The following DDB2 variants were observed in gnomAD, a reference collection of about 807,000 sequenced individuals.
DDB2 encodes DNA damage-binding protein 2.
DDB2 carries 27 observed loss-of-function variants against 50.5 expected under a neutral mutation model. That is an observed-to-expected ratio of 0.53 (90% CI 0.39 to 0.74). The LOEUF is 0.74. DDB2 is among the 30% of genes least tolerant of loss of function. DDB2 has a pLI of 0.00. For missense variants in DDB2, 424 were observed against 545.6 expected, an observed-to-expected ratio of 0.78 and a Z score of 2.22; for synonymous variants, 176 against 205.5, an observed-to-expected ratio of 0.86 and a Z score of 1.23.
At chr11:47,218,597 C>A (rs1162832289) in intron 3 of DDB2, among the ~76,000 whole-genome samples, 3 of 152,128 alleles carry the variant, frequency 2.0e-5, no homozygotes, top group African/African-American at 7.2e-5. Context: ...AGTTTATCAT[C>A]CATTGCTGAG....
At chr11:47,227,469 CT>C (rs768830995) in intron 3 of DDB2, among the ~76,000 whole-genome samples, 4 of 151,368 alleles carry the variant, frequency 2.6e-5, no homozygotes, top group Non-Finnish European at 5.9e-5. Context: ...CATAGATTGC[CT>C]TTTCACTTTG....
At chr11:47,228,977 A>AAATCTATCTATC (rs376107098) in intron 3 of DDB2, among the ~76,000 whole-genome samples, 1 of 124,660 alleles carries the variant, frequency 8.0e-6, no homozygotes, top group Non-Finnish European at 1.6e-5. Flanking sequence ...AAAAAAAGAA[A>AAATCTATCTATC]TATCTATCTA....
intron 7 of DDB2, among the ~76,000 whole-genome samples, chr11:47,236,392 C>T (rs1255294525): frequency 6.6e-6 from 1 of 152,146 alleles, no homozygotes; most frequent in African/African-American, 2.4e-5. Flanking sequence ...TTTGCCTAAG[C>T]CCCCATGCAG....
In DDB2 at chr11:47,235,347, T is replaced by C. The variant is rs1953711337; in HGVS notation, c.958T>C (p.Trp320Arg). 1.2e-6 allele frequency: 2 copies of C among 1,613,882 alleles called. No homozygotes were observed. The highest frequency in any genetic ancestry group is 3.3e-5 in the Admixed American group (2 of 60,014). Reference sequence around the variant, plus strand: ...GATCCGAGTTTACTCTGCTTCCCAGTGGGACTGCCCCCTGGGCCTGATCCC... The same window carrying C: ...GATCCGAGTTTACTCTGCTTCCCAGCGGGACTGCCCCCTGGGCCTGATCCC... ...SEIRVYSASQWDCPLGLIPHP... is the reference protein window; with the variant it reads ...SEIRVYSASQRDCPLGLIPHP... Residue 320 changes from tryptophan (W) to arginine (R), a missense_variant, in exon 7 of 10, where the codon TGG becomes CGG. Coordinates refer to ENST00000256996, the MANE Select transcript of DDB2 (RefSeq NM_000107.3).
Position 47,234,652 on chromosome 11 carries a change from C to T in DDB2, c.682C>T (p.Leu228=). 1 of 1,614,108 alleles carries T rather than the reference C, an allele frequency of 6.2e-7. No homozygotes were observed. The highest frequency in any genetic ancestry group is 8.5e-7 in the Non-Finnish European group (1 of 1,180,006). The part of the protein sequence containing the change: ...TGDNVGNVIL[L]NMDGKELWNL... ...AGACAACGTGGGGAACGTGATCCTG[C>T]TGAACATGGACGGCAAAGAGGTGCG... The change falls in exon 5 of 10, where the codon CTG becomes TTG. Residue 228 remains leucine, a synonymous_variant. Transcript: ENST00000256996.
intron 7 of DDB2, 41 bp downstream of exon 7, chr11:47,235,453 A>G (rs200136414): frequency 1.3e-6 from 2 of 1,596,864 alleles, no homozygotes; most frequent in East Asian, 2.2e-5. Context: ...GGAGGCTGTG[A>G]TCATGAGGCC....
rs1459835458 is a variant in DDB2, at chr11:47,216,919, C to T, written c.326C>T (p.Pro109Leu). 3 of 1,614,098 alleles carry T rather than the reference C, an allele frequency of 1.9e-6. No homozygotes were observed. The highest frequency in any genetic ancestry group is 2.2e-5 in the East Asian group (1 of 44,890). ...TACCGGATATTACAAAAGGCTGCCC[C>T]CTTTGACAGGAGGGCTACATCCTTG... Reference protein sequence around the residue: ...DSYRILQKAAPFDRRATSLAW... With the variant: ...DSYRILQKAALFDRRATSLAW... The change falls in exon 3 of 10, where the codon CCC (proline) becomes CTC (leucine). Residue 109 changes from proline to leucine, a missense_variant. Pro to Leu is a moderately conservative substitution (Grantham distance 98). Coordinates refer to ENST00000256996, the MANE Select transcript of DDB2 (RefSeq NM_000107.3).
At chr11:47,232,079 C>T (rs1953656964) in intron 3 of DDB2, among the ~76,000 whole-genome samples, 1 of 152,090 alleles carries the variant, frequency 6.6e-6, no homozygotes, top group African/African-American at 2.4e-5. Flanking sequence ...CACGGTGGCT[C>T]ACGCCTGTAA....
intron 7 of DDB2, 120 bp downstream of exon 7, chr11:47,235,532 C>G (rs892728354): frequency 9.5e-7 from 1 of 1,058,056 alleles, no homozygotes; most frequent in Non-Finnish European, 1.4e-6. Context: ...GCTCCTGGCC[C>G]GAGCACAGAG....
intron 3 of DDB2, among the ~76,000 whole-genome samples, chr11:47,228,130 C>T (rs1953586435): frequency 1.6e-5 from 2 of 126,892 alleles, no homozygotes; most frequent in African/African-American, 6.2e-5. Context: ...CAGAGTGAGG[C>T]TCTGTCTCAA....
chr11:47,224,099 C>G (rs1953524783), intron 3 of DDB2, among the ~76,000 whole-genome samples: 1 of 151,702 alleles, frequency 6.6e-6, no homozygotes, highest in Non-Finnish European at 1.5e-5. Context: ...AAAAACAAAA[C>G]AAAACAAAAC....
chr11:47,226,647 A>G (rs957221201), intron 3 of DDB2, among the ~76,000 whole-genome samples: 1 of 151,586 alleles, frequency 6.6e-6, no homozygotes, highest in Non-Finnish European at 1.5e-5. Flanking sequence ...GCATTTCTCT[A>G]ATGATTAGTG....
At chr11:47,231,968 T>C (rs141126138) in intron 3 of DDB2, among the ~76,000 whole-genome samples, 2 of 152,188 alleles carry the variant, frequency 1.3e-5, no homozygotes, top group East Asian at 3.9e-4. Context: ...TTTAAGTCTA[T>C]ACATATGTTA....
intron 3 of DDB2, among the ~76,000 whole-genome samples, chr11:47,225,516 C>T (rs529426130): frequency 1.5e-3 from 234 of 151,546 alleles, no homozygotes; most frequent in African/African-American, 5.2e-3. Flanking sequence ...CACTTGAACC[C>T]GGGAGGCAGA....
At chr11:47,227,085 T>G (rs1326396206) in intron 3 of DDB2, among the ~76,000 whole-genome samples, 3 of 148,958 alleles carry the variant, frequency 2.0e-5, no homozygotes, top group Non-Finnish European at 3.0e-5. Context: ...TCTTTATATA[T>G]TCTGGATATT....
chr11:47,238,856 C>T lies in DDB2; in HGVS notation c.*7C>T, dbSNP rs763312773. 67 of 1,613,214 alleles carry T rather than the reference C, an allele frequency of 4.2e-5. No individual in the cohort carries two copies. The highest frequency in any genetic ancestry group is 5.5e-5 in the Non-Finnish European group (65 of 1,179,816). On this transcript the variant is annotated 3_prime_UTR_variant, in exon 10 of 10. Transcript: ENST00000256996. The stretch of plus-strand genomic sequence containing the variant: ...AGCCAGGACACGGAAGTGAGAGACA[C>T]TAAAGAAGGTGTGGGCCAGACAAGG...
At chr11:47,225,588 T>C (rs894197068) in intron 3 of DDB2, among the ~76,000 whole-genome samples, 2 of 151,152 alleles carry the variant, frequency 1.3e-5, no homozygotes, top group African/African-American at 4.9e-5. Context: ...CGAGACTCCA[T>C]CTCTATTTTA....
intron 1 of DDB2, 191 bp downstream of exon 1, chr11:47,215,454 A>G (rs569832530): frequency 3.6e-5 from 26 of 720,024 alleles, no homozygotes; most frequent in African/African-American, 2.8e-4. Flanking sequence ...GCTAGGTAAC[A>G]GGAAGCAGAT....
intron 3 of DDB2, among the ~76,000 whole-genome samples, chr11:47,219,566 T>A (rs1953452500): frequency 6.6e-6 from 1 of 151,806 alleles, no homozygotes; most frequent in Non-Finnish European, 1.5e-5. Context: ...CCCAGGCTGG[T>A]CTCAAACTAC....
Sources: gnomAD v4.1 joint callset for allele counts (sites outside exome capture counted in the v4.1 genomes callset) on GRCh38, gnomAD v4.1.1 for gene constraint, MANE v1.5 for transcripts, NCBI Gene and HGNC (gene_info 2026-07-23, HGNC 2026-07-21) for gene names.